IRAK3: variants seen among roughly 807,000 people sequenced by gnomAD.
IRAK3 encodes the protein interleukin 1 receptor associated kinase 3.
IRAK3 carries 57 observed loss-of-function variants against 56.6 expected under a neutral mutation model. The observed-to-expected ratio is 1.01, with a 90% CI of 0.81 to 1.26. The LOEUF (loss-of-function observed/expected upper bound fraction) is 1.26, where lower values mean the gene tolerates loss of function less well. IRAK3 is among the 50% of genes most tolerant of loss of function. The pLI, the probability that IRAK3 is intolerant of heterozygous loss-of-function variation, is 0.00. For synonymous variants in IRAK3, 258 were observed against 255.7 expected (o/e 1.01, Z -0.09); for missense variants, 703 against 719.0 (o/e 0.98, Z 0.25).
At chr12:66,226,365 C>T (rs1432552194) in intron 6 of IRAK3, among the ~76,000 whole-genome samples, 2 of 152,098 alleles carry the variant, frequency 1.3e-5, no homozygotes, top group South Asian at 2.1e-4. Flanking sequence ...CTCAGCCTCC[C>T]GAGTAGCTGG....
rs376413784 is a variant in IRAK3, at chr12:66,242,939, G to A, written c.888-1547G>A. 6.6e-4 allele frequency among the ~76,000 whole-genome samples: 101 copies of A among 152,048 alleles called. No homozygotes were observed. In the East Asian group the frequency reaches 0.017, roughly 26 times the overall value. The stretch of plus-strand genomic sequence containing the variant: ...AAATTAGCCGAGTGTAGTGGCAGGC[G>A]CCTGTAATCCCAGCTACTCAGGAGG... On this transcript the variant is annotated intron_variant, in intron 8 of 11. Coordinates refer to ENST00000261233, the MANE Select transcript of IRAK3 (RefSeq NM_007199.3).
chr12:66,204,778 G>GCGCGCGCACA (rs1026097833), intron 2 of IRAK3, among the ~76,000 whole-genome samples: 7 of 147,810 alleles, frequency 4.7e-5, no homozygotes, highest in African/African-American at 1.7e-4. Context: ...GAGCCCTTGC[G>GCGCGCGCACA]CACACACACA....
chr12:66,227,565 C>T (rs1012660073), intron 7 of IRAK3, among the ~76,000 whole-genome samples: 51 of 143,430 alleles, frequency 3.6e-4, no homozygotes, highest in African/African-American at 1.3e-3. Flanking sequence ...GGTGACAGAG[C>T]GAGACTCTGT....
At chr12:66,244,801 A>G (rs2053010624) in intron 9 of IRAK3, 117 bp downstream of exon 9, 2 of 1,073,500 alleles carry the variant, frequency 1.9e-6, no homozygotes, top group Middle Eastern at 2.3e-4. Context: ...AGCTCATCTT[A>G]TATATTAATT....
intron 5 of IRAK3, among the ~76,000 whole-genome samples, chr12:66,215,990 A>G (rs1191493695): frequency 6.6e-6 from 1 of 152,118 alleles, no homozygotes; most frequent in African/African-American, 2.4e-5. Context: ...TCTAACTTTA[A>G]TCACCTGGGA....
At chr12:66,234,756 T>A (rs2052884712) in intron 8 of IRAK3, 10 of 1,593,836 alleles carry the variant, frequency 6.3e-6, no homozygotes, top group African/African-American at 1.3e-5. Context: ...ACACCACGAC[T>A]TGTACCACTG....
intron 6 of IRAK3, among the ~76,000 whole-genome samples, chr12:66,223,015 T>C (rs923444517): frequency 9.9e-5 from 15 of 150,880 alleles, no homozygotes; most frequent in African/African-American, 3.7e-4. Context: ...CAAAGGGGGG[T>C]TGTTCTCTGT....
chr12:66,228,716 G>A (rs561747488), intron 8 of IRAK3, among the ~76,000 whole-genome samples: 1 of 152,106 alleles, frequency 6.6e-6, no homozygotes, highest in Non-Finnish European at 1.5e-5. Flanking sequence ...TATGTATTAT[G>A]TAGAAATCAT....
In IRAK3 at chr12:66,203,806, G is replaced by A. The variant is rs770465008; in HGVS notation, c.229G>A (p.Ala77Thr). ...SGTRELLWSW[A>T]QKNKTIGDLL... ...AACAAGAGAATTACTTTGGTCCTGG[G>A]CACAGAAAAACAAGACCATCGGTGA... Residue 77 changes from alanine to threonine, a missense_variant, in exon 2 of 12, where the codon GCA (alanine) becomes ACA (threonine). Coordinates refer to ENST00000261233, the MANE Select transcript of IRAK3 (RefSeq NM_007199.3). 6.2e-7 allele frequency: 1 copy of A among 1,613,932 alleles called. No homozygotes were observed. Among genetic ancestry groups the A allele is most frequent in the Non-Finnish European group, 8.5e-7 (1 of 1,179,848 alleles).
chr12:66,233,971 A>T (rs2052874572), intron 8 of IRAK3: 1 of 1,337,138 alleles, frequency 7.5e-7, no homozygotes, highest in South Asian at 1.3e-5. Flanking sequence ...CTTGTGCAAA[A>T]TTGTCAATAA....
At chr12:66,223,858 G>C (rs963355017) in intron 6 of IRAK3, among the ~76,000 whole-genome samples, 1 of 150,816 alleles carries the variant, frequency 6.6e-6, no homozygotes, top group African/African-American at 2.4e-5. Context: ...GGCAAAAACC[G>C]CAGTAATTTT....
intron 2 of IRAK3, among the ~76,000 whole-genome samples, chr12:66,207,630 T>G (rs2052570051): frequency 6.6e-6 from 1 of 152,192 alleles, no homozygotes; most frequent in Non-Finnish European, 1.5e-5. Context: ...TTTGATGCCT[T>G]TCTTCTTTTT....
At position 66,195,726 on chromosome 12, in the gene IRAK3, C is replaced by G. The variant is rs1201871291; in HGVS notation, c.133+6294C>G. 2.0e-5 allele frequency among the ~76,000 whole-genome samples: 3 copies of G among 152,200 alleles called. No homozygotes were observed. In the East Asian group the frequency reaches 5.8e-4, roughly 29 times the overall value. On this transcript the variant is annotated intron_variant, in intron 1 of 11. Coordinates refer to ENST00000261233, the MANE Select transcript of IRAK3 (RefSeq NM_007199.3). Reference sequence around the variant, plus strand: ...ACAGCCTGGAGTGCAATGGTGCAATCTTGGCTCTCTGCAACCTCTACCTCC... The same window carrying G: ...ACAGCCTGGAGTGCAATGGTGCAATGTTGGCTCTCTGCAACCTCTACCTCC...
rs138274217 is a variant in IRAK3, at chr12:66,248,083, C to T, written c.1703C>T (p.Pro568Leu). Residue 568 changes from proline (P) to leucine (L), a missense_variant, in exon 12 of 12, where the codon CCA (proline) becomes CTA (leucine). Pro to Leu is a moderately conservative substitution (Grantham distance 98). Coordinates refer to ENST00000261233, the MANE Select transcript of IRAK3 (RefSeq NM_007199.3). ...KVNIDPSSEA[P>L]GHSCRSRPVE... Reference sequence around the variant, plus strand: ...AATATAGATCCTTCTTCAGAAGCTCCAGGGCATTCTTGCAGGAGCAGGCCA... The same window carrying T: ...AATATAGATCCTTCTTCAGAAGCTCTAGGGCATTCTTGCAGGAGCAGGCCA... The T allele has an allele frequency of 9.3e-5, 148 of 1,599,522 alleles. No individual in the cohort carries two copies. The Middle Eastern group carries it at 1.5e-3, about 16-fold the overall frequency.
At position 66,215,598 on chromosome 12, in the gene IRAK3, A is replaced by G. The variant is rs74100118; in HGVS notation, c.589-1573A>G. Among the ~76,000 whole-genome samples the G allele has an allele frequency of 3.1e-3, 475 of 152,314 alleles. 1 individual carries two copies. The highest frequency in any genetic ancestry group is 0.011 in the African/African-American group (457 of 41,552). On this transcript the variant is annotated intron_variant, in intron 5 of 11. Transcript: ENST00000261233. ...AATGTTTGCTGGATAAATTGAATGCAGCATACATACCCTTTTCAAGAATTT... is the reference window on the plus strand; with the variant it reads ...AATGTTTGCTGGATAAATTGAATGCGGCATACATACCCTTTTCAAGAATTT...
At chr12:66,245,326 T>C (rs1295055098) in intron 11 of IRAK3, 64 bp downstream of exon 11, 8 of 1,497,964 alleles carry the variant, frequency 5.3e-6, no homozygotes, top group African/African-American at 1.4e-5. Context: ...CTAAACTAGA[T>C]AAATTGTGTA....
intron 8 of IRAK3, among the ~76,000 whole-genome samples, chr12:66,233,523 A>G (rs1394558754): frequency 6.6e-6 from 1 of 151,618 alleles, no homozygotes; most frequent in Non-Finnish European, 1.5e-5. Context: ...GTCTCGGAAA[A>G]AAAAAAAGGC....
chr12:66,245,341 A>G, intron 11 of IRAK3, 79 bp downstream of exon 11: 5 of 1,423,456 alleles, frequency 3.5e-6, no homozygotes, highest in Non-Finnish European at 5.0e-6. Flanking sequence ...TGTGTATCTA[A>G]GTGAATTATT....
chr12:66,236,238 G>A (rs1303909555), intron 8 of IRAK3, among the ~76,000 whole-genome samples: 1 of 151,992 alleles, frequency 6.6e-6, no homozygotes, highest in Non-Finnish European at 1.5e-5. Flanking sequence ...GGATGTGGAT[G>A]TGGGAAGACC....
Sources: gnomAD v4.1 joint callset for allele counts (sites outside exome capture counted in the v4.1 genomes callset) on GRCh38, gnomAD v4.1.1 for gene constraint, MANE v1.5 for transcripts, NCBI Gene and HGNC (gene_info 2026-07-23, HGNC 2026-07-21) for gene names.